The following HIF3A variants were observed in gnomAD, a reference collection of about 807,000 sequenced individuals.
HIF3A encodes hypoxia-inducible factor 3-alpha.
Under a neutral mutation model 67.2 loss-of-function variants are expected in HIF3A, and 41 were observed. The observed-to-expected ratio is 0.61, with a 90% CI of 0.48 to 0.79. The LOEUF is 0.79. Ranked by LOEUF, HIF3A falls within the 30% of genes least tolerant of loss-of-function variation. HIF3A has a pLI of 0.00. For synonymous variants in HIF3A, 356 were observed against 374.8 expected, an observed-to-expected ratio of 0.95 and a Z score of 0.58; for missense variants, 855 against 898.0, an observed-to-expected ratio of 0.95 and a Z score of 0.61.
intron 12 of HIF3A, 59 bp downstream of exon 12, chr19:46,329,537 G>C: frequency 6.9e-7 from 1 of 1,440,080 alleles, no homozygotes; most frequent in Non-Finnish European, 9.1e-7. Context: ...TCTTGCCCCT[G>C]CCTCCTGCTT....
chr19:46,329,574 A>C, intron 12 of HIF3A, 96 bp downstream of exon 12: 29 of 1,296,966 alleles, frequency 2.2e-5, no homozygotes, highest in South Asian at 1.2e-4. Context: ...CATTTCTCTA[A>C]CCCTGATCTC....
chr19:46,312,882 AT>A (rs531816670), intron 8 of HIF3A: 10,805 of 866,166 alleles, frequency 0.012, 2 homozygotes, highest in South Asian at 0.025. Flanking sequence ...TAGACTGTTA[AT>A]TTTTTTTTTT....
chr19:46,313,108 G>A (rs946389503), intron 8 of HIF3A: 6 of 632,728 alleles, frequency 9.5e-6, no homozygotes, highest in Admixed American at 6.4e-5. Flanking sequence ...AAAATTAGCC[G>A]GGTGTGGTGA....
Position 46,305,363 on chromosome 19 carries a change from T to C in HIF3A, c.336T>C (p.Asn112=). The C allele has an allele frequency of 6.2e-7, 1 of 1,613,988 alleles. No individual in the cohort carries two copies. The highest frequency in any genetic ancestry group is 1.1e-5 in the South Asian group (1 of 91,086). The part of the protein sequence containing the change: ...AEGDMAYLSE[N]VSKHLGLSQL... ...GAGACATGGCTTACCTGTCGGAGAA[T>C]GTCAGCAAACACCTGGGCCTCAGTC... is the stretch of plus-strand genomic sequence containing the variant. Residue 112 remains asparagine (N), a synonymous_variant, in exon 3 of 15, where the codon AAT becomes AAC. Transcript: ENST00000377670.
chr19:46,311,747 G>A (rs1188514819), intron 6 of HIF3A, among the ~76,000 whole-genome samples: 7 of 152,078 alleles, frequency 4.6e-5, no homozygotes. Flanking sequence ...TGTAGTCCCA[G>A]CTACTCAGGA....
rs547984488 is a variant in HIF3A, at chr19:46,341,457, C to A, written c.*1835C>A. The A allele has an allele frequency of 4.6e-5, 7 of 152,168 alleles. No individual in the cohort carries two copies. In the South Asian group the frequency reaches 1.5e-3, roughly 32 times the overall value. The allele number at this position is 152,168 out of a possible 1,614,324, so 9.4% of individuals were successfully genotyped here. A position where few individuals can be genotyped will look rare whatever the true frequency, so the allele number is the denominator to read the frequency against. On this transcript the variant is annotated 3_prime_UTR_variant, in exon 15 of 15. Coordinates refer to ENST00000377670, the MANE Select transcript of HIF3A (RefSeq NM_152795.4). The stretch of plus-strand genomic sequence containing the variant: ...TCAACTGATCCACCCGCCTCAGCCT[C>A]CCAAAGTGCTGAAATTACAGGAGTG...
chr19:46,321,458 C>T (rs571405803), intron 9 of HIF3A, among the ~76,000 whole-genome samples: 21 of 152,258 alleles, frequency 1.4e-4, no homozygotes, highest in Admixed American at 7.8e-4. Context: ...ATGGCGGGCA[C>T]CTGTAATCCC....
rs1163161901 is a variant in HIF3A at position 46,304,171 on chromosome 19, G to A, written c.217+83G>A. 5 of 1,284,912 alleles carry A rather than the reference G, an allele frequency of 3.9e-6. No individual in the cohort carries two copies. In the South Asian group the frequency reaches 4.1e-5, roughly 10 times the overall value. 79.6% of individuals were successfully genotyped at this position (1,284,912 alleles called of 1,614,324 possible). On this transcript the variant is annotated intron_variant, in intron 2 of 14. Transcript: ENST00000377670. ...TACATCCCAGGGAGGCCCCTCCTCC[G>A]GGAAGCCTTATTCTGACAAAGCCCC...
At position 46,329,314 on chromosome 19, in the gene HIF3A, G is replaced by A. The variant is rs1054165682; in HGVS notation, c.1548G>A (p.Leu516=). 18 of 1,613,170 alleles carry A rather than the reference G, an allele frequency of 1.1e-5. No homozygotes were observed. The highest frequency in any genetic ancestry group is 1.5e-5 in the Non-Finnish European group (18 of 1,179,944). The part of the protein sequence containing the change: ...EQLPRAYHRP[L]GAVPRPRARS... ...TACCCAGGGCCTACCACAGACCTCTGGGGGCTGTCCCCCGGCCCCGTGCTC... is the reference window on the plus strand; with the variant it reads ...TACCCAGGGCCTACCACAGACCTCTAGGGGCTGTCCCCCGGCCCCGTGCTC... Residue 516 remains leucine (L), a synonymous_variant, in exon 12 of 15, where the codon CTG becomes CTA. Coordinates refer to ENST00000377670, the MANE Select transcript of HIF3A (RefSeq NM_152795.4).
intron 10 of HIF3A, 65 bp from the exon 11 acceptor site, chr19:46,325,470 C>T: frequency 8.8e-7 from 1 of 1,131,970 alleles, no homozygotes; most frequent in Non-Finnish European, 1.3e-6. Context: ...GAGCTGCAGA[C>T]TGTCTTAATG....
At chr19:46,338,337 G>C (rs1478284443) in intron 14 of HIF3A, 1 of 436,862 alleles carries the variant, frequency 2.3e-6, no homozygotes, top group East Asian at 7.2e-5. Context: ...CAAGTAGCTG[G>C]GACTGCAGCT....
At chr19:46,316,756 T>G (rs1969944031) in intron 8 of HIF3A, among the ~76,000 whole-genome samples, 1 of 143,226 alleles carries the variant, frequency 7.0e-6, no homozygotes, top group South Asian at 2.2e-4. Flanking sequence ...TGAGTGGAGA[T>G]CAGACCACTG....
rs910320348 is a variant in HIF3A at position 46,340,992 on chromosome 19, CACTA to C, written c.*1374_*1377del. 2.6e-5 allele frequency: 4 copies of C among 152,144 alleles called. No homozygotes were observed. Among genetic ancestry groups the C allele is most frequent in the Admixed American group, 1.3e-4 (2 of 15,258 alleles). The allele number at this position is 152,144 out of a possible 1,614,324, so 9.4% of individuals were successfully genotyped here. On this transcript the variant is annotated 3_prime_UTR_variant, in exon 15 of 15. Coordinates refer to ENST00000377670, the MANE Select transcript of HIF3A (RefSeq NM_152795.4). ...ACCAGATTCTTTTGGTTCTAGAATT[CACTA>C]ACTTCCTCTGGTTCTAGACCTCTTC...
intron 8 of HIF3A, among the ~76,000 whole-genome samples, chr19:46,319,297 G>T (rs1970177963): frequency 6.6e-6 from 1 of 152,104 alleles, no homozygotes; most frequent in Non-Finnish European, 1.5e-5. Context: ...CCCAGGGAGG[G>T]TTTATTGAGT....
At chr19:46,337,129 A>G (rs1971683144) in intron 14 of HIF3A, among the ~76,000 whole-genome samples, 1 of 152,186 alleles carries the variant, frequency 6.6e-6, no homozygotes, top group African/African-American at 2.4e-5. Flanking sequence ...GGGTGGTTTC[A>G]TTGAGAAGGT....
At chr19:46,336,085 CTTTTTTTTTTTTTTTT>C (rs1017798750) in intron 14 of HIF3A, among the ~76,000 whole-genome samples, 1 of 79,370 alleles carries the variant, frequency 1.3e-5, no homozygotes, top group Admixed American at 1.7e-4. Flanking sequence ...CTCTCTCTCT[CTTTTTTTTTTTTTTTT>C]TTTTTTTTTT....
Position 46,334,961 on chromosome 19 carries a change from A to C in HIF3A, c.1887A>C (p.Pro629=), listed in dbSNP as rs1422592984. 1 of 1,606,700 alleles carries C rather than the reference A, an allele frequency of 6.2e-7. No homozygotes were observed. The highest frequency in any genetic ancestry group is 1.7e-5 in the Admixed American group (1 of 58,774). The change falls in exon 14 of 15, where the codon CCA becomes CCC. Residue 629 remains proline, a synonymous_variant. Transcript: ENST00000377670. ...APGSLQDPST[P]LLNLNEPLGL... Reference sequence around the variant, plus strand: ...GGAGCCTGCAGGACCCCAGCACCCCACTCCTGAACCTGAATGAGCCCCTGG... The same window carrying C: ...GGAGCCTGCAGGACCCCAGCACCCCCCTCCTGAACCTGAATGAGCCCCTGG...
In HIF3A at chr19:46,312,541, C is replaced by T; in HGVS notation, c.913C>T (p.Arg305Cys). 2 of 1,613,986 alleles carry T rather than the reference C, an allele frequency of 1.2e-6. No homozygotes were observed. The highest frequency in any genetic ancestry group is 1.7e-6 in the Non-Finnish European group (2 of 1,179,998). Residue 305 changes from arginine (R) to cysteine (C), a missense_variant, in exon 8 of 15, where the codon CGC becomes TGC. Transcript: ENST00000377670. The stretch of plus-strand genomic sequence containing the variant: ...GGGCCAGGCAGTAACAGGGCAGTAT[C>T]GCTTCCTGGCCCGGAGTGGTGGCTA... Reference protein sequence around the residue: ...SKGQAVTGQYRFLARSGGYLW... With the variant: ...SKGQAVTGQYCFLARSGGYLW...
chr19:46,316,177 G>A (rs1969899287), intron 8 of HIF3A, among the ~76,000 whole-genome samples: 1 of 152,162 alleles, frequency 6.6e-6, no homozygotes, highest in African/African-American at 2.4e-5. Flanking sequence ...GTTGCAGTGA[G>A]CTGAGATCAG....
Sources: allele counts gnomAD v4.1 joint callset (sites outside exome capture counted in the v4.1 genomes callset), GRCh38; gene constraint gnomAD v4.1.1; transcripts MANE v1.5; gene names NCBI Gene and HGNC (gene_info 2026-07-23, HGNC 2026-07-21).